Variants in SCN3A observed in about 807,000 individuals in gnomAD.
SCN3A encodes sodium voltage-gated channel alpha subunit 3.
In SCN3A, 60 loss-of-function variants were observed where a neutral mutation model predicts 187.6. The observed-to-expected ratio is 0.32, with a 90% confidence interval of 0.26 to 0.40. SCN3A has a LOEUF of 0.40. Among genes scored for constraint, SCN3A ranks in the 10% least tolerant of loss-of-function variants. The probability of loss-of-function intolerance (pLI) is 1.00; values close to 1 mark genes in which losing one functional copy is unlikely to be tolerated. For missense variants in SCN3A, 1,601 were observed against 2,428.2 expected, an observed-to-expected ratio of 0.66 and a Z score of 7.16; for synonymous variants, 788 against 829.2, an observed-to-expected ratio of 0.95 and a Z score of 0.85.
chr2:165,093,446 A>G (rs977140794), intron 26 of SCN3A: 2 of 152,148 alleles, frequency 1.3e-5, no homozygotes, highest in African/African-American at 4.8e-5. Flanking sequence ...CTTATTAACA[A>G]TCATCTCAGG....
rs116699821 is a variant in SCN3A at position 165,198,224 on chromosome 2, A to G, written c.-248+5599T>C. Among the ~76,000 whole-genome samples, 954 of 152,106 alleles carry G rather than the reference A, an allele frequency of 6.3e-3. 6 individuals are homozygous for G. The highest frequency in any genetic ancestry group is 0.022 in the African/African-American group (911 of 41,536). ...AGAATCAATGCTGCTAAGTATTGTG[A>G]TGATGTTAATATTGGGAAGAAAACT... On this transcript the variant is annotated intron_variant, in intron 1 of 27. Coordinates refer to ENST00000283254, the MANE Select transcript of SCN3A (RefSeq NM_006922.4).
At position 165,092,614 on chromosome 2, in the gene SCN3A, G is replaced by A. The variant is rs886251336; in HGVS notation, c.4537-90C>T. 2.8e-5 allele frequency: 33 copies of A among 1,196,198 alleles called. No individual in the cohort carries two copies. The highest frequency in any genetic ancestry group is 7.4e-5 in the East Asian group (3 of 40,378). The allele number at this position is 1,196,198 out of a possible 1,614,324, so 74.1% of individuals were successfully genotyped here. A position where few individuals can be genotyped will look rare whatever the true frequency, so the allele number is the denominator to read the frequency against. On this transcript the variant is annotated intron_variant, in intron 26 of 27. Coordinates refer to ENST00000283254, the MANE Select transcript of SCN3A (RefSeq NM_006922.4). The surrounding 1 kb of genome is among the most constrained non-coding windows in gnomAD (Gnocchi z 4.2). ...TTGTAGATAAAGCCCTTCCACATACGGGATGGATGTGCACCCTCCTCATAT... is the reference window on the plus strand; with the variant it reads ...TTGTAGATAAAGCCCTTCCACATACAGGATGGATGTGCACCCTCCTCATAT...
At chr2:165,202,866 C>A (rs1206251686) in intron 1 of SCN3A, among the ~76,000 whole-genome samples, 3 of 151,898 alleles carry the variant, frequency 2.0e-5, no homozygotes, top group Non-Finnish European at 2.9e-5. Flanking sequence ...ATTTTAAAAC[C>A]CTGTATGATT....
rs558778547 is a variant in SCN3A at position 165,120,962 on chromosome 2, C to T, written c.3394-5387G>A. Among the ~76,000 whole-genome samples the T allele has an allele frequency of 4.0e-5, 6 of 151,560 alleles. 1 individual carries two copies. The South Asian group carries it at 1.3e-3, about 32-fold the overall frequency. ...TGGTATGTGAAACTGAAAATAATTA[C>T]GTTGTAGTTGAAGAGTAGGGTAAAA... On this transcript the variant is annotated intron_variant, in intron 18 of 27. Coordinates refer to ENST00000283254, the MANE Select transcript of SCN3A (RefSeq NM_006922.4).
At position 165,170,398 on chromosome 2, in the gene SCN3A, T is replaced by G. The variant is rs1258696912; in HGVS notation, c.383+32A>C. ...TTTCTTTAAAATCAACTGTTAGAAATAGCATTTAGGCAATTCACATTAAAA... is the reference window on the plus strand; with the variant it reads ...TTTCTTTAAAATCAACTGTTAGAAAGAGCATTTAGGCAATTCACATTAAAA... On this transcript the variant is annotated intron_variant, in intron 4 of 27. Transcript: ENST00000283254. The G allele has an allele frequency of 3.3e-6, 4 of 1,198,040 alleles. No homozygotes were observed. The Admixed American group carries it at 6.8e-5, about 20-fold the overall frequency. 74.2% of individuals were successfully genotyped at this position (1,198,040 alleles called of 1,614,324 possible).
At chr2:165,142,096 A>G (rs1688043349) in intron 12 of SCN3A, among the ~76,000 whole-genome samples, 1 of 152,192 alleles carries the variant, frequency 6.6e-6, no homozygotes, top group Non-Finnish European at 1.5e-5. Context: ...CTCATCATGA[A>G]CAATGGCATT....
chr2:165,200,718 A>G (rs1417045978), intron 1 of SCN3A, among the ~76,000 whole-genome samples: 1 of 152,050 alleles, frequency 6.6e-6, no homozygotes, highest in Non-Finnish European at 1.5e-5. Context: ...CAGTTTAAAG[A>G]GGCCTAGGGT....
Position 165,186,665 on chromosome 2 carries a change from A to C in SCN3A, c.-165T>G, listed in dbSNP as rs1315288814. The C allele has an allele frequency of 6.6e-6, 1 of 151,912 alleles. No homozygotes were observed. Among genetic ancestry groups the C allele is most frequent in the Non-Finnish European group, 1.5e-5 (1 of 68,010 alleles). The allele number at this position is 151,912 out of a possible 1,614,324, so 9.4% of individuals were successfully genotyped here. A position where few individuals can be genotyped will look rare whatever the true frequency, so the allele number is the denominator to read the frequency against. On this transcript the variant is annotated 5_prime_UTR_variant, in exon 2 of 28. Coordinates refer to ENST00000283254, the MANE Select transcript of SCN3A (RefSeq NM_006922.4). ...TTCTTTGCTCCTTTCCCAGTAAGCC[A>C]CTCTACTATGAATCCTTGACAGGTA... is the stretch of plus-strand genomic sequence containing the variant.
intron 1 of SCN3A, among the ~76,000 whole-genome samples, chr2:165,196,677 A>G (rs1251139748): frequency 1.3e-5 from 2 of 152,130 alleles, no homozygotes; most frequent in African/African-American, 4.8e-5. Flanking sequence ...ATTTCGCTCC[A>G]CTATTAGATT....
At chr2:165,134,221 A>G (rs1687532134) in intron 15 of SCN3A, among the ~76,000 whole-genome samples, 1 of 152,192 alleles carries the variant, frequency 6.6e-6, no homozygotes, top group Admixed American at 6.5e-5. Context: ...CAAACACAAC[A>G]TTTATTTTTT....
intron 18 of SCN3A, among the ~76,000 whole-genome samples, chr2:165,116,943 A>ATT (rs11395597): frequency 0.2 from 23,742 of 118,116 alleles, 3,002 homozygotes; most frequent in East Asian, 0.51. Flanking sequence ...TGATAGCACA[A>ATT]TTTTTTTTTT....
At chr2:165,181,106 A>G (rs140488262) in intron 2 of SCN3A, among the ~76,000 whole-genome samples, 2,233 of 152,346 alleles carry the variant, frequency 0.015, 61 homozygotes, top group African/African-American at 0.05. Flanking sequence ...ATTTAGTCAA[A>G]TATCTTCATG....
At position 165,170,489 on chromosome 2, in the gene SCN3A, C is replaced by G. The variant is rs1311693375; in HGVS notation, c.324G>C (p.Leu108Phe). Residue 108 changes from leucine (L) to phenylalanine (F), a missense_variant, in exon 4 of 28, where the codon TTG becomes TTC. Around this residue, in one of 11 missense-constraint regions of SCN3A, gnomAD observed 122 missense variants for 225.1 expected, o/e 0.54. Coordinates refer to ENST00000283254, the MANE Select transcript of SCN3A (RefSeq NM_006922.4). ...CAGGGTTTAGTGGAGTTAAAATATA[C>G]AAGGCAGAGGTGGCACTGAATCGGA... ...AIFRFSATSA[L>F]YILTPLNPVR... is the part of the protein sequence containing the mutation. 1 of 1,611,526 alleles carries G rather than the reference C, an allele frequency of 6.2e-7. No individual in the cohort carries two copies. Among genetic ancestry groups the G allele is most frequent in the Non-Finnish European group, 8.5e-7 (1 of 1,178,446 alleles).
chr2:165,132,881 A>G (rs1263636795), intron 15 of SCN3A, among the ~76,000 whole-genome samples: 2 of 152,188 alleles, frequency 1.3e-5, no homozygotes, highest in African/African-American at 2.4e-5. Context: ...CAACCTACTC[A>G]TCTGACAAAG....
At chr2:165,190,229 C>T (rs1370896758) in intron 1 of SCN3A, among the ~76,000 whole-genome samples, 1 of 152,086 alleles carries the variant, frequency 6.6e-6, no homozygotes, top group Non-Finnish European at 1.5e-5. Flanking sequence ...CCAAGTTGTC[C>T]ATTCAGTTCT....
chr2:165,169,293 G>T (rs1216958260), intron 4 of SCN3A, among the ~76,000 whole-genome samples: 1 of 151,934 alleles, frequency 6.6e-6, no homozygotes, highest in Non-Finnish European at 1.5e-5. Flanking sequence ...ATCATAAATA[G>T]TAGGTTTGTA....
At chr2:165,188,196 T>C (rs1294670473) in intron 1 of SCN3A, among the ~76,000 whole-genome samples, 1 of 152,146 alleles carries the variant, frequency 6.6e-6, no homozygotes, top group African/African-American at 2.4e-5. Context: ...GCTTGAGTTA[T>C]CTTTCTTTTT....
At position 165,127,935 on chromosome 2, in the gene SCN3A, A is replaced by C. The variant is rs1293866537; in HGVS notation, c.3089T>G (p.Phe1030Cys). The C allele has an allele frequency of 6.2e-7, 1 of 1,614,014 alleles. No homozygotes were observed. The highest frequency in any genetic ancestry group is 8.5e-7 in the Non-Finnish European group (1 of 1,180,030). Residue 1030 changes from phenylalanine (F) to cysteine (C), a missense_variant, in exon 18 of 28, where the codon TTT becomes TGT. By Grantham distance (205) the Phe-to-Cys change is radical. Around this residue, in one of 11 missense-constraint regions of SCN3A, gnomAD observed 267 missense variants for 313.2 expected, o/e 0.85. Coordinates refer to ENST00000283254, the MANE Select transcript of SCN3A (RefSeq NM_006922.4). ...NKMRECFQKA[F>C]FRKPKVIEIH... is the part of the protein sequence containing the mutation. ...TTCTATAACTTTTGGCTTTCTAAAA[A>C]AGGCTTTTTGGAAACACTCCCGCAT... is the stretch of plus-strand genomic sequence containing the variant.
chr2:165,097,245 C>T lies in SCN3A; in HGVS notation c.4239+7G>A. The T allele has an allele frequency of 6.2e-7, 1 of 1,613,940 alleles. No homozygotes were observed. Among genetic ancestry groups the T allele is most frequent in the Non-Finnish European group, 8.5e-7 (1 of 1,179,946 alleles). ...ACTTTTTCAAAACTCGTACAGTAGC[C>T]ACTTACCACTTGAAGCAGTGCAAGA... On this transcript the variant is annotated splice_region_variant and intron_variant, in intron 23 of 27. Transcript: ENST00000283254.
Sources: allele counts gnomAD v4.1 joint callset (sites outside exome capture counted in the v4.1 genomes callset), GRCh38; gene constraint gnomAD v4.1.1; regional missense constraint gnomAD v4.1.1; non-coding constraint Gnocchi (gnomAD v3.1); transcripts MANE v1.5; gene names NCBI Gene and HGNC (gene_info 2026-07-23, HGNC 2026-07-21).